The following PRPH variants were observed in gnomAD, a reference collection of about 807,000 sequenced individuals.
The protein encoded by PRPH is neurofilament 4 (57kD).
In PRPH, 48 loss-of-function variants were observed where a neutral mutation model predicts 52.6. The ratio of observed to expected loss-of-function variants is 0.91; its 90% CI spans 0.72 to 1.16. PRPH has a LOEUF of 1.16. Among genes scored for constraint, PRPH ranks in the 50% most tolerant of loss-of-function variants. PRPH has a pLI of 0.00. For missense variants in PRPH, 579 were observed against 635.7 expected, an observed-to-expected ratio of 0.91 and a Z score of 0.96; for synonymous variants, 279 against 283.8, an observed-to-expected ratio of 0.98 and a Z score of 0.17.
At chr12:49,295,912 G>GTGCC in intron 1 of PRPH, 167 bp downstream of exon 1, 1 of 1,442,134 alleles carries the variant, frequency 6.9e-7, no homozygotes, top group South Asian at 1.5e-5. Context: ...CGGGCTCCAA[G>GTGCC]TGCCCCCCGC....
chr12:49,295,732 G>GC lies in PRPH; in HGVS notation c.533dup (p.Leu179AlafsTer41), dbSNP rs1943168711. On this transcript the variant is annotated frameshift_variant, in exon 1 of 9. Coordinates refer to ENST00000257860, the MANE Select transcript of PRPH (RefSeq NM_006262.4). LOFTEE classifies it high-confidence loss of function. The stretch of plus-strand genomic sequence containing the variant: ...CGACGGGCTGGCGGAGGACCTGGCG[G>GC]CGCTCAAGCAGAGGTCAGGGGGCAG... The GC allele has an allele frequency of 6.6e-7, 1 of 1,513,680 alleles. No individual in the cohort carries two copies. Among genetic ancestry groups the GC allele is most frequent in the Middle Eastern group, 2.3e-4 (1 of 4,328 alleles). The allele number at this position is 1,513,680 out of a possible 1,614,324, so 93.8% of individuals were successfully genotyped here.
At position 49,296,413 on chromosome 12, in the gene PRPH, C is replaced by G. The variant is rs1943180152; in HGVS notation, c.607-19C>G. ...GCAGCCCCTAACTTATCTTGAACCT[C>G]CACTGCCACCCCTCGAAGGACGTGG... is the stretch of plus-strand genomic sequence containing the variant. On this transcript the variant is annotated intron_variant, in intron 2 of 8. Transcript: ENST00000257860. This position sits in a 1 kb window ranked among gnomAD's most constrained non-coding sequence, Gnocchi z 5.1. 1 of 1,612,776 alleles carries G rather than the reference C, an allele frequency of 6.2e-7. No homozygotes were observed. The highest frequency in any genetic ancestry group is 8.5e-7 in the Non-Finnish European group (1 of 1,178,948).
chr12:49,295,780 C>G, intron 1 of PRPH, 35 bp downstream of exon 1: 20 of 1,446,702 alleles, frequency 1.4e-5, no homozygotes, highest in Non-Finnish European at 1.8e-5. Flanking sequence ...GCCGTCGAGG[C>G]GAGGTCGAAG....
chr12:49,297,653 G>T lies in PRPH; in HGVS notation c.1218-24G>T. On this transcript the variant is annotated intron_variant, in intron 6 of 8. Transcript: ENST00000257860. This position sits in a 1 kb window ranked among gnomAD's most constrained non-coding sequence, Gnocchi z 4.4. Reference sequence around the variant, plus strand: ...GGCAGGGCGGGGCCTGGGCAGGGGCGCTGACAACTTGCTTCGCCTCTAGGA... The same window carrying T: ...GGCAGGGCGGGGCCTGGGCAGGGGCTCTGACAACTTGCTTCGCCTCTAGGA... The T allele has an allele frequency of 6.2e-7, 1 of 1,613,218 alleles. No individual in the cohort carries two copies. Among genetic ancestry groups the T allele is most frequent in the South Asian group, 1.1e-5 (1 of 91,080 alleles).
rs770964240 is a variant in PRPH, at chr12:49,295,578, C to A, written c.378C>A (p.Arg126=). The change falls in exon 1 of 9, where the codon CGC becomes CGA. Residue 126 remains arginine (R), a synonymous_variant. Transcript: ENST00000257860. ...TGGAGCAGCAGAACGCGGCCCTGCG[C>A]GGGGAGCTGAGCCAAGCCCGGGGCC... is the stretch of plus-strand genomic sequence containing the variant. ...RFLEQQNAAL[R]GELSQARGQE... is the part of the protein sequence containing the mutation. The A allele has an allele frequency of 9.6e-6, 15 of 1,561,692 alleles. No individual in the cohort carries two copies. In the South Asian group the frequency reaches 1.2e-4, roughly 12 times the overall value.
Position 49,298,588 on chromosome 12 carries a change from TCC to T in PRPH, c.*240_*241del. ...TCATGTCCCGATAAGAAGCCAATGA[TCC>T]CCCCTCAGGACAAATCTACTCCAGC... is the stretch of plus-strand genomic sequence containing the variant. On this transcript the variant is annotated 3_prime_UTR_variant, in exon 9 of 9. Transcript: ENST00000257860. 1.8e-6 allele frequency: 1 copy of T among 555,258 alleles called. No homozygotes were observed. Among genetic ancestry groups the T allele is most frequent in the Non-Finnish European group, 3.2e-6 (1 of 307,702 alleles). The allele number at this position is 555,258 out of a possible 1,614,324, so 34.4% of individuals were successfully genotyped here.
At position 49,297,475 on chromosome 12, in the gene PRPH, T is replaced by C. The variant is rs372792711; in HGVS notation, c.1115T>C (p.Met372Thr). 2 of 1,612,488 alleles carry C rather than the reference T, an allele frequency of 1.2e-6. No individual in the cohort carries two copies. Among genetic ancestry groups the C allele is most frequent in the Non-Finnish European group, 1.7e-6 (2 of 1,179,924 alleles). Residue 372 changes from methionine to threonine, a missense_variant, in exon 6 of 9, where the codon ATG becomes ACG. Met to Thr is a moderately conservative substitution (Grantham distance 81). Transcript: ENST00000257860. The surrounding 1 kb of genome is among the most constrained non-coding windows in gnomAD (Gnocchi z 4.4). ...EEELRQLKEEMARHLREYQEL... is the reference protein window; with the variant it reads ...EEELRQLKEETARHLREYQEL... ...GAGCTGCGACAGCTAAAAGAGGAGA[T>C]GGCGCGGCACCTGAGGGAGTACCAG...
At position 49,298,321 on chromosome 12, in the gene PRPH, G is replaced by C; in HGVS notation, c.1381G>C (p.Glu461Gln). The change falls in exon 9 of 9, where the codon GAG becomes CAG. Residue 461 changes from glutamate (E) to glutamine (Q), a missense_variant. Coordinates refer to ENST00000257860, the MANE Select transcript of PRPH (RefSeq NM_006262.4). ...VTESQKEQRSELDKSSAHSY is the reference protein window; with the variant it reads ...VTESQKEQRSQLDKSSAHSY ...AGAGTCCCAGAAGGAGCAGCGCAGT[G>C]AGCTGGACAAGTCTTCTGCCCACAG... 1.2e-6 allele frequency: 2 copies of C among 1,614,190 alleles called. No homozygotes were observed. The highest frequency in any genetic ancestry group is 1.7e-6 in the Non-Finnish European group (2 of 1,180,036).
Position 49,297,549 on chromosome 12 carries a change from C to T in PRPH, c.1189C>T (p.Arg397Cys). ...MALDIEIATY[R>C]KLLEGEESRI... The stretch of plus-strand genomic sequence containing the variant: ...CCTGGACATCGAGATCGCCACCTAC[C>T]GCAAGCTGCTGGAGGGCGAGGAGAG... Residue 397 changes from arginine to cysteine, a missense_variant, in exon 6 of 9, where the codon CGC becomes TGC. Transcript: ENST00000257860. This position sits in a 1 kb window ranked among gnomAD's most constrained non-coding sequence, Gnocchi z 4.4. 2 of 1,611,354 alleles carry T rather than the reference C, an allele frequency of 1.2e-6. No homozygotes were observed. Among genetic ancestry groups the T allele is most frequent in the Non-Finnish European group, 1.7e-6 (2 of 1,179,790 alleles).
Position 49,296,985 on chromosome 12 carries a change from G to C in PRPH, c.799G>C (p.Asp267His), listed in dbSNP as rs754285563. The stretch of plus-strand genomic sequence containing the variant: ...GCCCGAGCTGACGGCAGCGCTGAGG[G>C]ACATCCGCGCGCAGTACGAGAGCAT... ...VKPELTAALR[D>H]IRAQYESIAA... is the part of the protein sequence containing the mutation. Residue 267 changes from aspartate (D) to histidine (H), a missense_variant, in exon 4 of 9, where the codon GAC becomes CAC. Asp to His is a moderately conservative substitution (Grantham distance 81). Coordinates refer to ENST00000257860, the MANE Select transcript of PRPH (RefSeq NM_006262.4). The surrounding 1 kb of genome is among the most constrained non-coding windows in gnomAD (Gnocchi z 5.1). 1 of 1,613,878 alleles carries C rather than the reference G, an allele frequency of 6.2e-7. No homozygotes were observed. The highest frequency in any genetic ancestry group is 1.3e-5 in the African/African-American group (1 of 75,036).
rs1592296230 is a variant in PRPH at position 49,295,754 on chromosome 12, G to C, written c.545+9G>C. On this transcript the variant is annotated intron_variant, in intron 1 of 8. Transcript: ENST00000257860. ...GCGGCGCTCAAGCAGAGGTCAGGGG[G>C]CAGGGCTGGGCCGCTGCCGTCGAGG... The C allele has an allele frequency of 6.8e-7, 1 of 1,469,826 alleles. No homozygotes were observed. Among genetic ancestry groups the C allele is most frequent in the African/African-American group, 1.4e-5 (1 of 70,272 alleles). The allele number at this position is 1,469,826 out of a possible 1,614,324, so 91.0% of individuals were successfully genotyped here.
chr12:49,298,686 A>G lies in PRPH; in HGVS notation c.*333A>G. On this transcript the variant is annotated 3_prime_UTR_variant, in exon 9 of 9. Coordinates refer to ENST00000257860, the MANE Select transcript of PRPH (RefSeq NM_006262.4). ...CCAAATAAAATGCTGTCAAGAGAAA[A>G]CTCTCCAGTGCATTTGTTTCTGTGG... The G allele has an allele frequency of 2.8e-6, 1 of 357,964 alleles. No individual in the cohort carries two copies. 22.2% of individuals were successfully genotyped at this position (357,964 alleles called of 1,614,324 possible). A position where few individuals can be genotyped will look rare whatever the true frequency, so the allele number is the denominator to read the frequency against.
chr12:49,297,412 CG>C lies in PRPH; in HGVS notation c.1058del (p.Gly353AlafsTer16), dbSNP rs765336123. ...CTGGAGGAGCAGTTCGCCCTGGAGGCGGGGGGCTACCAGGCGGGCGCTGCGC... is the reference window on the plus strand; with the variant it reads ...CTGGAGGAGCAGTTCGCCCTGGAGGCGGGGGCTACCAGGCGGGCGCTGCGC... Reference protein sequence around the residue: ...RELEEQFALEAGGYQAGAARL... With the variant: ...RELEEQFALEXGGYQAGAARL... On this transcript the variant is annotated frameshift_variant, in exon 6 of 9. Transcript: ENST00000257860. LOFTEE classifies it high-confidence loss of function. The surrounding 1 kb of genome is among the most constrained non-coding windows in gnomAD (Gnocchi z 4.4). The C allele has an allele frequency of 1.7e-5, 27 of 1,613,244 alleles. No individual in the cohort carries two copies. Among genetic ancestry groups the C allele is most frequent in the Non-Finnish European group, 2.2e-5 (26 of 1,179,894 alleles).
chr12:49,298,051 C>T lies in PRPH; in HGVS notation c.1347+14C>T, dbSNP rs754204787. 31 of 1,612,668 alleles carry T rather than the reference C, an allele frequency of 1.9e-5. No individual in the cohort carries two copies. The highest frequency in any genetic ancestry group is 2.4e-5 in the Non-Finnish European group (28 of 1,178,836). Reference sequence around the variant, plus strand: ...CGGAATGGGGAGGTGAGGCAGGTCCCCTAATGCCAGGACCCCACCATTTCC... The same window carrying T: ...CGGAATGGGGAGGTGAGGCAGGTCCTCTAATGCCAGGACCCCACCATTTCC... On this transcript the variant is annotated intron_variant, in intron 8 of 8. Transcript: ENST00000257860.
Position 49,298,550 on chromosome 12 carries a change from T to A in PRPH, c.*197T>A, listed in dbSNP as rs1385602112. ...CTGCCCTGACACTTGATGTGACCTATGTGCTTCCCTTTTCATGTCCCGATA... is the reference window on the plus strand; with the variant it reads ...CTGCCCTGACACTTGATGTGACCTAAGTGCTTCCCTTTTCATGTCCCGATA... On this transcript the variant is annotated 3_prime_UTR_variant, in exon 9 of 9. Coordinates refer to ENST00000257860, the MANE Select transcript of PRPH (RefSeq NM_006262.4). The A allele has an allele frequency of 1.7e-6, 1 of 601,770 alleles. No homozygotes were observed. The highest frequency in any genetic ancestry group is 1.8e-5 in the African/African-American group (1 of 54,112). 37.3% of individuals were successfully genotyped at this position (601,770 alleles called of 1,614,324 possible).
Position 49,296,196 on chromosome 12 carries a change from C to G in PRPH, c.564C>G (p.Arg188=), listed in dbSNP as rs1943176686. 1 of 1,612,792 alleles carries G rather than the reference C, an allele frequency of 6.2e-7. No individual in the cohort carries two copies. The stretch of plus-strand genomic sequence containing the variant: ...CCGTCAGGTTGGAGGAGGAGACGCG[C>G]AAGCGGGAGGACGCGGAGCACAACC... ...ALKQRLEEET[R]KREDAEHNLV... Residue 188 remains arginine (R), a synonymous_variant, in exon 2 of 9, where the codon CGC becomes CGG. Transcript: ENST00000257860. The surrounding 1 kb of genome is among the most constrained non-coding windows in gnomAD (Gnocchi z 5.1).
intron 8 of PRPH, 66 bp from the exon 9 acceptor site, chr12:49,298,222 C>G (rs1043060222): frequency 6.3e-7 from 1 of 1,596,010 alleles, no homozygotes; most frequent in African/African-American, 1.3e-5. Context: ...GCTCTATGAT[C>G]CAAAGGAGTA....
rs764513374 is a variant in PRPH, at chr12:49,297,292, G to C, written c.996+19G>C. 13 of 1,613,638 alleles carry C rather than the reference G, an allele frequency of 8.1e-6. No homozygotes were observed. The highest frequency in any genetic ancestry group is 8.5e-7 in the Non-Finnish European group (1 of 1,179,982). The stretch of plus-strand genomic sequence containing the variant: ...CGGCACGGTGAGTACGAAGCTGCGC[G>C]CTCGGGCCCGGGGAGCGGACGATGA... On this transcript the variant is annotated intron_variant, in intron 5 of 8. Transcript: ENST00000257860. The surrounding 1 kb of genome is among the most constrained non-coding windows in gnomAD (Gnocchi z 4.4).
Position 49,298,318 on chromosome 12 carries a change from A to G in PRPH, c.1378A>G (p.Ser460Gly), listed in dbSNP as rs1344753881. Residue 460 changes from serine to glycine, a missense_variant, in exon 9 of 9, where the codon AGT becomes GGT. Coordinates refer to ENST00000257860, the MANE Select transcript of PRPH (RefSeq NM_006262.4). ...GACAGAGTCCCAGAAGGAGCAGCGCAGTGAGCTGGACAAGTCTTCTGCCCA... is the reference window on the plus strand; with the variant it reads ...GACAGAGTCCCAGAAGGAGCAGCGCGGTGAGCTGGACAAGTCTTCTGCCCA... The part of the protein sequence containing the change: ...VVTESQKEQR[S>G]ELDKSSAHSY The G allele has an allele frequency of 6.2e-7, 1 of 1,614,200 alleles. No individual in the cohort carries two copies. Among genetic ancestry groups the G allele is most frequent in the Non-Finnish European group, 8.5e-7 (1 of 1,180,036 alleles).
Sources: allele counts gnomAD v4.1 joint callset, GRCh38; gene constraint gnomAD v4.1.1; non-coding constraint Gnocchi (gnomAD v3.1); transcripts MANE v1.5; gene names NCBI Gene and HGNC (gene_info 2026-07-23, HGNC 2026-07-21).